The following UBE2V2 variants were observed in gnomAD, a reference collection of about 807,000 sequenced individuals.
UBE2V2 encodes ubiquitin conjugating enzyme E2 V2, also known as ubiquitin-conjugating enzyme E2 variant 2.
UBE2V2 carries 9 observed loss-of-function variants against 17.2 expected under a neutral mutation model. That is an observed-to-expected ratio of 0.52 (90% CI 0.32 to 0.91). The LOEUF (loss-of-function observed/expected upper bound fraction) is 0.91. Ranked by LOEUF, UBE2V2 falls within the 40% of genes least tolerant of loss-of-function variation. UBE2V2 has a pLI of 0.04. For synonymous variants in UBE2V2, 61 were observed against 57.5 expected (o/e 1.06, Z -0.28); for missense variants, 133 against 182.6 (o/e 0.73, Z 1.56).
chr8:47,998,384 C>G, the UBE2V2 span, among the ~76,000 whole-genome samples: 1 of 151,862 alleles, frequency 6.6e-6, no homozygotes, highest in Non-Finnish European at 1.5e-5. Context: ...TCCTGGGGAA[C>G]TTGTCTGGAA....
chr8:48,061,619 AG>A lies in UBE2V2; in HGVS notation c.*794del, dbSNP rs1802593661. 1 of 152,654 alleles carries A rather than the reference AG, an allele frequency of 6.6e-6. No individual in the cohort carries two copies. Among genetic ancestry groups the A allele is most frequent in the African/African-American group, 2.4e-5 (1 of 41,468 alleles). 9.5% of individuals were successfully genotyped at this position (152,654 alleles called of 1,614,324 possible). The stretch of plus-strand genomic sequence containing the variant: ...TGATGTATATGTACAGTACCTTGCC[AG>A]GGAAGCAAAAATTGGAATTATTGTA... On this transcript the variant is annotated 3_prime_UTR_variant, in exon 4 of 4. Transcript: ENST00000523111.
At chr8:48,036,274 T>G (rs994946401) in intron 1 of UBE2V2, among the ~76,000 whole-genome samples, 28 of 151,890 alleles carry the variant, frequency 1.8e-4, no homozygotes, top group African/African-American at 6.8e-4. Context: ...AAAAAATTTC[T>G]TAGGATAGGG....
In UBE2V2 at chr8:48,027,684, G is replaced by C. The variant is rs1435916900; in HGVS notation, c.17-15349G>C. 2.6e-5 allele frequency among the ~76,000 whole-genome samples: 4 copies of C among 152,148 alleles called. No individual in the cohort carries two copies. In the East Asian group the frequency reaches 5.8e-4, roughly 22 times the overall value. On this transcript the variant is annotated intron_variant, in intron 1 of 3. Coordinates refer to ENST00000523111, the MANE Select transcript of UBE2V2 (RefSeq NM_003350.3). ...CTGGGTAATTTTTGTATTTTTAGTA[G>C]AGATGGTGTTTCACCATGTTGCCCA... is the stretch of plus-strand genomic sequence containing the variant.
intron 1 of UBE2V2, among the ~76,000 whole-genome samples, chr8:48,040,581 A>G (rs1450829418): frequency 6.6e-6 from 1 of 151,920 alleles, no homozygotes; most frequent in African/African-American, 2.4e-5. Context: ...TGATTTCTTT[A>G]GCTGATGAGG....
rs533598168 is a variant in UBE2V2 at position 48,062,911 on chromosome 8, T to C, written c.*2083T>C. On this transcript the variant is annotated 3_prime_UTR_variant, in exon 4 of 4. Coordinates refer to ENST00000523111, the MANE Select transcript of UBE2V2 (RefSeq NM_003350.3). Reference sequence around the variant, plus strand: ...TGAAATGAACTATTACCTTGAAATATAGTCTTTAAAAATTTTTAATGGTTA... The same window carrying C: ...TGAAATGAACTATTACCTTGAAATACAGTCTTTAAAAATTTTTAATGGTTA... 4 of 152,364 alleles carry C rather than the reference T, an allele frequency of 2.6e-5. No individual in the cohort carries two copies. The South Asian group carries it at 6.2e-4, about 24-fold the overall frequency. 9.4% of individuals were successfully genotyped at this position (152,364 alleles called of 1,614,324 possible).
chr8:48,008,377 C>G, upstream of UBE2V2: 2 of 1,531,142 alleles, frequency 1.3e-6, no homozygotes, highest in South Asian at 2.4e-5. Context: ...GTGACGCGTG[C>G]AGGGCGGCGC....
At chr8:48,029,623 A>G (rs1343858630) in intron 1 of UBE2V2, among the ~76,000 whole-genome samples, 1 of 152,208 alleles carries the variant, frequency 6.6e-6, no homozygotes, top group Admixed American at 6.6e-5. Context: ...AATGTTCTTG[A>G]AAAGTACAGA....
chr8:48,056,246 A>G (rs1379068520), intron 3 of UBE2V2, among the ~76,000 whole-genome samples: 1 of 152,072 alleles, frequency 6.6e-6, no homozygotes, highest in East Asian at 1.9e-4. Flanking sequence ...TTATTTATCC[A>G]TTTATCACCT....
In UBE2V2 at chr8:48,028,893, A is replaced by G. The variant is rs1043949074; in HGVS notation, c.17-14140A>G. 5.3e-5 allele frequency among the ~76,000 whole-genome samples: 8 copies of G among 152,020 alleles called. 1 individual carries two copies. The highest frequency in any genetic ancestry group is 1.9e-4 in the African/African-American group (8 of 41,394). ...TTTATCAGATGTATGGTTTGCAAGTATTTTCTTTCATTCTGTAGATTGTCT... is the reference window on the plus strand; with the variant it reads ...TTTATCAGATGTATGGTTTGCAAGTGTTTTCTTTCATTCTGTAGATTGTCT... On this transcript the variant is annotated intron_variant, in intron 1 of 3. Transcript: ENST00000523111.
chr8:48,008,898 C>A (rs1435504185), intron 1 of UBE2V2, among the ~76,000 whole-genome samples: 1 of 152,126 alleles, frequency 6.6e-6, no homozygotes, highest in African/African-American at 2.4e-5. Flanking sequence ...GAGTAGGGGT[C>A]CCATTCCTTT....
chr8:48,054,242 A>G (rs946867963), intron 3 of UBE2V2, among the ~76,000 whole-genome samples: 2 of 152,186 alleles, frequency 1.3e-5, no homozygotes, highest in Non-Finnish European at 2.9e-5. Flanking sequence ...CTTTCCATGG[A>G]CACACCTTGA....
At chr8:48,049,560 GCAT>G (rs2091521382) in intron 2 of UBE2V2, 1 of 204,858 alleles carries the variant, frequency 4.9e-6, no homozygotes, top group African/African-American at 2.3e-5. Context: ...TTTGTTACAG[GCAT>G]CATTTTTATC....
intron 1 of UBE2V2, among the ~76,000 whole-genome samples, chr8:48,014,510 T>C (rs1386537867): frequency 6.6e-6 from 1 of 151,560 alleles, no homozygotes; most frequent in East Asian, 2.0e-4. Context: ...CCGAGTGTGG[T>C]GATGGGCGCC....
chr8:48,044,978 C>T (rs1489756084), intron 2 of UBE2V2, among the ~76,000 whole-genome samples: 2 of 152,174 alleles, frequency 1.3e-5, no homozygotes, highest in Non-Finnish European at 2.9e-5. Flanking sequence ...GTCTTTCACC[C>T]GGTTGGGGTC....
chr8:48,019,953 AGAGT>A (rs1371273153), intron 1 of UBE2V2, among the ~76,000 whole-genome samples: 5 of 152,218 alleles, frequency 3.3e-5, no homozygotes, highest in Non-Finnish European at 7.3e-5. Context: ...CCTGGGCAAC[AGAGT>A]GAGTGAGACT....
At chr8:48,022,382 T>G (rs1367784024) in intron 1 of UBE2V2, among the ~76,000 whole-genome samples, 5 of 152,064 alleles carry the variant, frequency 3.3e-5, no homozygotes, top group Non-Finnish European at 7.4e-5. Flanking sequence ...GTAATCCACC[T>G]GCCTTGGCCT....
Position 48,060,683 on chromosome 8 carries a change from T to A in UBE2V2, c.293T>A (p.Val98Glu). The A allele has an allele frequency of 6.7e-7, 1 of 1,481,910 alleles. No homozygotes were observed. 91.8% of individuals were successfully genotyped at this position (1,481,910 alleles called of 1,614,324 possible). A position where few individuals can be genotyped will look rare whatever the true frequency, so the allele number is the denominator to read the frequency against. Residue 98 changes from valine to glutamate, a missense_variant and splice_region_variant, in exon 4 of 4, where the codon GTG (valine) becomes GAG (glutamate). Transcript: ENST00000523111. ...CTGTACTCTTTCCTCCCCTTTCAGG[T>A]GGATGCCCGGAGCATACCAGTGTTA... ...MNGINNSSGM[V>E]DARSIPVLAK...
In UBE2V2 at chr8:48,063,858, CAA is replaced by C. The variant is rs1344024787; in HGVS notation, c.*3031_*3032del. 2 of 152,100 alleles carry C rather than the reference CAA, an allele frequency of 1.3e-5. No individual in the cohort carries two copies. The highest frequency in any genetic ancestry group is 4.8e-5 in the African/African-American group (2 of 41,412). The allele number at this position is 152,100 out of a possible 1,614,324, so 9.4% of individuals were successfully genotyped here. ...TTTATTAGTCTGGATTACTTAAGAA[CAA>C]TATGTTGATTTTAATGTTAATTCCC... On this transcript the variant is annotated 3_prime_UTR_variant, in exon 4 of 4. Transcript: ENST00000523111.
intron 2 of UBE2V2, 84 bp from the exon 3 acceptor site, chr8:48,049,769 C>T (rs1055350590): frequency 1.7e-5 from 22 of 1,258,020 alleles, no homozygotes; most frequent in Non-Finnish European, 2.3e-5. Flanking sequence ...TCATATTGTA[C>T]TTTCCCTTTT....
Sources: allele counts gnomAD v4.1 joint callset (sites outside exome capture counted in the v4.1 genomes callset), GRCh38; gene constraint gnomAD v4.1.1; transcripts MANE v1.5; gene names NCBI Gene and HGNC (gene_info 2026-07-23, HGNC 2026-07-21).